LINGO2: variants seen among roughly 807,000 people sequenced by gnomAD.
LINGO2 encodes the protein leucine-rich repeat and immunoglobulin-like domain-containing nogo receptor-interacting protein 2.
A neutral mutation model predicts 30.6 loss-of-function variants in LINGO2; 14 were observed. The observed-to-expected ratio is 0.46, with a 90% CI of 0.30 to 0.72. The LOEUF is 0.72. Ranked by LOEUF, LINGO2 falls within the 30% of genes least tolerant of loss-of-function variation. The pLI, the probability that LINGO2 is intolerant of heterozygous loss-of-function variation, is 0.07. For synonymous variants in LINGO2, 317 were observed against 288.5 expected (o/e 1.10, Z -1.00); for missense variants, 729 against 751.7 (o/e 0.97, Z 0.35).
At chr9:28,255,428 C>T (rs975769169) in intron 4 of LINGO2, among the ~76,000 whole-genome samples, 1 of 152,042 alleles carries the variant, frequency 6.6e-6, no homozygotes, top group East Asian at 1.9e-4. Flanking sequence ...AAACCCTGCT[C>T]TACTATTTAT....
chr9:29,092,435 T>C, the LINGO2 span, among the ~76,000 whole-genome samples: 7 of 152,038 alleles, frequency 4.6e-5, no homozygotes, highest in African/African-American at 1.7e-4. Context: ...AATTATTGGC[T>C]GTAAAATAGG....
intron 1 of LINGO2, among the ~76,000 whole-genome samples, chr9:28,612,860 G>C (rs1825978314): frequency 1.3e-5 from 2 of 152,018 alleles, no homozygotes; most frequent in Admixed American, 1.3e-4. Context: ...AAATGATATG[G>C]TTAGGCTTTG....
intron 4 of LINGO2, among the ~76,000 whole-genome samples, chr9:28,029,697 A>G (rs1388888966): frequency 2.6e-5 from 4 of 152,036 alleles, no homozygotes; most frequent in African/African-American, 7.3e-5. Context: ...GTCAAAACTA[A>G]TATGTGAAAA....
chr9:28,812,965 T>C, the LINGO2 span, among the ~76,000 whole-genome samples: 2 of 152,092 alleles, frequency 1.3e-5, no homozygotes, highest in East Asian at 3.9e-4. Flanking sequence ...GAATGATATT[T>C]CCAACGGTTC....
intron 3 of LINGO2, among the ~76,000 whole-genome samples, chr9:28,315,666 G>C (rs529771826): frequency 1.6e-4 from 24 of 152,268 alleles, no homozygotes; most frequent in Admixed American, 7.2e-4. Context: ...TACTAGTTTA[G>C]ATCATTTCAT....
chr9:28,706,429 T>C, the LINGO2 span, among the ~76,000 whole-genome samples: 2 of 152,138 alleles, frequency 1.3e-5, no homozygotes, highest in Non-Finnish European at 1.5e-5. Context: ...AATAGAATAT[T>C]TTAAAAAATT....
the LINGO2 span, among the ~76,000 whole-genome samples, chr9:28,962,506 A>C: frequency 6.6e-6 from 1 of 151,976 alleles, no homozygotes; most frequent in Non-Finnish European, 1.5e-5. Context: ...TTCACACCAC[A>C]AATAGTCATT....
At chr9:27,983,682 C>T (rs572860147) in intron 5 of LINGO2, among the ~76,000 whole-genome samples, 57 of 151,944 alleles carry the variant, frequency 3.8e-4, no homozygotes, top group South Asian at 1.5e-3. Flanking sequence ...AAAGTTCATG[C>T]ATCTAACTGG....
rs559531769 is a variant in LINGO2 at position 28,106,283 on chromosome 9, C to T, written c.-86-93878G>A. ...ATTTTGTTATGGCAGCATGAGCAGACTAAGGCAAAAGGAAGACCCACACAA... is the reference window on the plus strand; with the variant it reads ...ATTTTGTTATGGCAGCATGAGCAGATTAAGGCAAAAGGAAGACCCACACAA... On this transcript the variant is annotated intron_variant, in intron 4 of 5. Transcript: ENST00000379992. Among the ~76,000 whole-genome samples the T allele has an allele frequency of 2.6e-5, 4 of 152,216 alleles. No homozygotes were observed. The South Asian group carries it at 8.3e-4, about 32-fold the overall frequency.
chr9:28,430,486 ATAAT>A (rs1823619595), intron 2 of LINGO2, among the ~76,000 whole-genome samples: 3 of 152,160 alleles, frequency 2.0e-5, no homozygotes. Flanking sequence ...TTTTCCTAGA[ATAAT>A]TTCTCTTTCA....
intron 4 of LINGO2, among the ~76,000 whole-genome samples, chr9:28,073,041 C>T (rs1160803888): frequency 1.3e-5 from 2 of 151,930 alleles, no homozygotes; most frequent in Non-Finnish European, 2.9e-5. Context: ...TGATTCATTA[C>T]ATCTTCACCA....
chr9:28,939,038 C>T, the LINGO2 span, among the ~76,000 whole-genome samples: 2 of 152,142 alleles, frequency 1.3e-5, no homozygotes, highest in Admixed American at 1.3e-4. Context: ...TTATTACTTT[C>T]CTGCACTTAT....
chr9:28,096,043 A>T (rs1052706824), intron 4 of LINGO2, among the ~76,000 whole-genome samples: 6 of 152,142 alleles, frequency 3.9e-5, no homozygotes, highest in Admixed American at 3.9e-4. Context: ...CAGGATGCTG[A>T]GGTGGGAGGA....
At chr9:28,118,911 G>A (rs768211447) in intron 4 of LINGO2, among the ~76,000 whole-genome samples, 2 of 152,128 alleles carry the variant, frequency 1.3e-5, no homozygotes, top group African/African-American at 2.4e-5. Flanking sequence ...GCCCTCTTCT[G>A]ACATCTTATA....
intron 1 of LINGO2, among the ~76,000 whole-genome samples, chr9:28,560,007 T>G (rs905754115): frequency 2.0e-5 from 3 of 151,260 alleles, no homozygotes; most frequent in African/African-American, 7.3e-5. Flanking sequence ...TGTAGCCACA[T>G]GCAGCCTCCT....
intron 2 of LINGO2, among the ~76,000 whole-genome samples, chr9:28,466,706 C>A (rs1825315932): frequency 6.6e-6 from 1 of 151,854 alleles, no homozygotes; most frequent in Non-Finnish European, 1.5e-5. Context: ...ATTTCATATA[C>A]CCCATAAATA....
intron 5 of LINGO2, among the ~76,000 whole-genome samples, chr9:27,999,538 A>AGGATACTC (rs1408449999): frequency 6.6e-6 from 1 of 152,076 alleles, no homozygotes; most frequent in Non-Finnish European, 1.5e-5. Context: ...TTATATATAA[A>AGGATACTC]GGATACTCAT....
At chr9:29,018,240 A>G in the LINGO2 span, among the ~76,000 whole-genome samples, 2 of 151,548 alleles carry the variant, frequency 1.3e-5, no homozygotes, top group African/African-American at 2.4e-5. Context: ...AGTGATCTAA[A>G]CATTGAATAC....
intron 4 of LINGO2, among the ~76,000 whole-genome samples, chr9:28,253,521 C>G (rs1822278356): frequency 6.6e-6 from 1 of 152,104 alleles, no homozygotes; most frequent in Non-Finnish European, 1.5e-5. Context: ...CAGCAGTAAG[C>G]TAAATGATTC....
Sources: gnomAD v4.1 joint callset for allele counts (sites outside exome capture counted in the v4.1 genomes callset) on GRCh38, gnomAD v4.1.1 for gene constraint, MANE v1.5 for transcripts, NCBI Gene and HGNC (gene_info 2026-07-23, HGNC 2026-07-21) for gene names.